The following USP10 variants were observed in gnomAD, a reference collection of about 807,000 sequenced individuals.
The protein encoded by USP10 is ubiquitin carboxyl-terminal hydrolase 10.
USP10 carries 22 observed loss-of-function variants against 84.5 expected under a neutral mutation model. The ratio of observed to expected loss-of-function variants is 0.26; its 90% CI spans 0.19 to 0.37. The LOEUF is 0.37. Among genes scored for constraint, USP10 ranks in the 10% least tolerant of loss-of-function variants. USP10 has a pLI of 1.00. For synonymous variants in USP10, 454 were observed against 387.6 expected (o/e 1.17, Z -2.01); for missense variants, 1,019 against 998.9 (o/e 1.02, Z -0.27).
intron 1 of USP10, among the ~76,000 whole-genome samples, chr16:84,729,718 T>G (rs1597319300): frequency 6.6e-6 from 1 of 152,256 alleles, no homozygotes; most frequent in African/African-American, 2.4e-5. Context: ...TAAAAGCTCA[T>G]GCATTTAAGG....
chr16:84,737,323 G>T (rs1334064983), intron 2 of USP10, among the ~76,000 whole-genome samples: 1 of 152,186 alleles, frequency 6.6e-6, no homozygotes, highest in East Asian at 1.9e-4. Context: ...TTTGTCTAGG[G>T]AATTTTATGT....
In USP10 at chr16:84,764,268, G is replaced by A. The variant is rs1183690039; in HGVS notation, c.1832+5G>A. 2 of 1,613,976 alleles carry A rather than the reference G, an allele frequency of 1.2e-6. No individual in the cohort carries two copies. The highest frequency in any genetic ancestry group is 2.2e-5 in the East Asian group (1 of 44,886). ...CATTTTTGGTGGACACATCAGGTTT[G>A]TGCTTTTCTGGAATAACTTAATATT... On this transcript the variant is annotated splice_donor_5th_base_variant and intron_variant, in intron 10 of 13. Coordinates refer to ENST00000219473, the MANE Select transcript of USP10 (RefSeq NM_005153.3).
At chr16:84,744,578 G>C (rs1028649682) in intron 3 of USP10, 55 bp from the exon 4 acceptor site, 28 of 1,443,442 alleles carry the variant, frequency 1.9e-5, no homozygotes, top group Non-Finnish European at 2.3e-5. Context: ...AGTAATTACT[G>C]GTACTTAGAG....
chr16:84,741,080 A>C (rs744838), intron 3 of USP10, among the ~76,000 whole-genome samples: 1 of 152,086 alleles, frequency 6.6e-6, no homozygotes, highest in Non-Finnish European at 1.5e-5. Context: ...ACTGATGCCA[A>C]ACTTTTTCTT....
chr16:84,764,580 C>T (rs1050040833), intron 10 of USP10, among the ~76,000 whole-genome samples: 3 of 152,104 alleles, frequency 2.0e-5, no homozygotes, highest in Admixed American at 2.0e-4. Flanking sequence ...CCTGTAATCC[C>T]AGGACTTTGG....
At position 84,745,304 on chromosome 16, in the gene USP10, G is replaced by C. The variant is rs1172506799; in HGVS notation, c.823G>C (p.Gly275Arg). The change falls in exon 4 of 14, where the codon GGT becomes CGT. Residue 275 changes from glycine to arginine, a missense_variant. By Grantham distance (125) the Gly-to-Arg change is moderately radical. This residue lies in a region of USP10 where 787 missense variants were observed against 708.8 expected (regional missense o/e 1.11). Transcript: ENST00000219473. ...GACAGCTGGGGCTCAGCCCTGCGTTGGTACCGATACTACTGAAAACCTTGG... is the reference window on the plus strand; with the variant it reads ...GACAGCTGGGGCTCAGCCCTGCGTTCGTACCGATACTACTGAAAACCTTGG... ...SRTAGAQPCV[G>R]TDTTENLGVA... 3 of 1,613,000 alleles carry C rather than the reference G, an allele frequency of 1.9e-6. No homozygotes were observed. In the Admixed American group the frequency reaches 5.0e-5, roughly 27 times the overall value.
chr16:84,725,469 C>T (rs1002860796), intron 1 of USP10, among the ~76,000 whole-genome samples: 1 of 152,094 alleles, frequency 6.6e-6, no homozygotes, highest in African/African-American at 2.4e-5. Flanking sequence ...GGCACGATTT[C>T]CGCTCACTGC....
At chr16:84,738,031 C>G (rs939486399) in intron 2 of USP10, among the ~76,000 whole-genome samples, 1 of 152,300 alleles carries the variant, frequency 6.6e-6, no homozygotes, top group South Asian at 2.1e-4. Context: ...GTTCACACCC[C>G]GTGGTTGAAT....
intron 1 of USP10, chr16:84,708,993 T>G (rs1428295605): frequency 6.6e-6 from 1 of 152,208 alleles, no homozygotes; most frequent in Non-Finnish European, 1.5e-5. Context: ...TTTAGGGTGG[T>G]AATTCCTGTA....
chr16:84,701,135 T>C (rs1371954790), intron 1 of USP10, among the ~76,000 whole-genome samples: 1 of 152,208 alleles, frequency 6.6e-6, no homozygotes, highest in East Asian at 1.9e-4. Flanking sequence ...CATGAGCAAT[T>C]GGGTTTTGTT....
intron 1 of USP10, chr16:84,733,210 T>C (rs146122282): frequency 1.7e-6 from 1 of 602,846 alleles, no homozygotes; most frequent in Non-Finnish European, 3.1e-6. Context: ...ATAAGCTTTA[T>C]CAGTTTCATA....
intron 13 of USP10, among the ~76,000 whole-genome samples, chr16:84,777,270 C>G (rs1342778306): frequency 6.6e-6 from 1 of 152,202 alleles, no homozygotes; most frequent in Non-Finnish European, 1.5e-5. Flanking sequence ...TGGTGACATG[C>G]AGTCCCCCTT....
At chr16:84,740,500 G>A (rs1364264531) in intron 3 of USP10, 131 bp downstream of exon 3, 12 of 729,320 alleles carry the variant, frequency 1.6e-5, no homozygotes, top group Admixed American at 1.2e-4. Flanking sequence ...GCTGTAAACT[G>A]TAATGTATTT....
Position 84,759,983 on chromosome 16 carries a change from T to C in USP10, c.1450+37T>C, listed in dbSNP as rs776092261. 4.4e-6 allele frequency: 7 copies of C among 1,608,546 alleles called. No homozygotes were observed. The South Asian group carries it at 4.4e-5, about 10-fold the overall frequency. On this transcript the variant is annotated intron_variant, in intron 7 of 13. Coordinates refer to ENST00000219473, the MANE Select transcript of USP10 (RefSeq NM_005153.3). Reference sequence around the variant, plus strand: ...TGAGTTTTGTTGATGCTATTACATATTGGGAGTTATGGAGACAGATGACTT... The same window carrying C: ...TGAGTTTTGTTGATGCTATTACATACTGGGAGTTATGGAGACAGATGACTT...
At chr16:84,760,384 T>C (rs1416017512) in intron 8 of USP10, 109 bp downstream of exon 8, 2 of 930,436 alleles carry the variant, frequency 2.1e-6, no homozygotes, top group African/African-American at 1.7e-5. Context: ...GCGCTATAAG[T>C]AGATGTAGGT....
intron 13 of USP10, among the ~76,000 whole-genome samples, chr16:84,776,316 G>C (rs1179946351): frequency 6.8e-6 from 1 of 148,048 alleles, no homozygotes; most frequent in Admixed American, 6.7e-5. Flanking sequence ...TAGCGGTGGG[G>C]GCCCAGGGGT....
chr16:84,739,163 A>ATT (rs1026122491), intron 2 of USP10, among the ~76,000 whole-genome samples: 3 of 150,148 alleles, frequency 2.0e-5, no homozygotes, highest in African/African-American at 7.4e-5. Context: ...GGTTCACGCC[A>ATT]TTCTCCTGCC....
chr16:84,701,836 A>G (rs754139180), intron 1 of USP10, among the ~76,000 whole-genome samples: 8 of 152,140 alleles, frequency 5.3e-5, no homozygotes, highest in Non-Finnish European at 7.3e-5. Flanking sequence ...TGTTAGCAAC[A>G]CTTTGGGTTT....
intron 2 of USP10, among the ~76,000 whole-genome samples, chr16:84,737,193 A>G (rs761010590): frequency 2.0e-5 from 3 of 152,176 alleles, no homozygotes; most frequent in East Asian, 3.8e-4. Flanking sequence ...ACTTCAGAAC[A>G]TGACCTTCCT....
Sources: allele counts gnomAD v4.1 joint callset (sites outside exome capture counted in the v4.1 genomes callset), GRCh38; gene constraint gnomAD v4.1.1; regional missense constraint gnomAD v4.1.1; transcripts MANE v1.5; gene names NCBI Gene and HGNC (gene_info 2026-07-23, HGNC 2026-07-21).